The following JAZF1 variants were observed in gnomAD, a reference collection of about 807,000 sequenced individuals.
The protein encoded by JAZF1 is juxtaposed with another zinc finger protein 1.
A neutral mutation model predicts 26.4 loss-of-function variants in JAZF1; 8 were observed. The observed-to-expected ratio is 0.30, with a 90% CI of 0.18 to 0.55. The LOEUF (loss-of-function observed/expected upper bound fraction) is 0.55, where lower values mean the gene tolerates loss of function less well. Among genes scored for constraint, JAZF1 ranks in the 20% least tolerant of loss-of-function variants. The pLI, the probability that JAZF1 is intolerant of heterozygous loss-of-function variation, is 0.94. For missense variants in JAZF1, 199 were observed against 322.0 expected (o/e 0.62, Z 2.92); for synonymous variants, 126 against 122.3 (o/e 1.03, Z -0.20).
At chr7:27,837,735 G>A (rs1782844482) in intron 4 of JAZF1, among the ~76,000 whole-genome samples, 2 of 152,138 alleles carry the variant, frequency 1.3e-5, no homozygotes, top group African/African-American at 4.8e-5. Context: ...CAGGGGACCC[G>A]AATATGCAAC....
chr7:28,166,546 T>C (rs937647512), intron 1 of JAZF1, among the ~76,000 whole-genome samples: 3 of 152,340 alleles, frequency 2.0e-5, no homozygotes, highest in Non-Finnish European at 2.9e-5. Context: ...TATAAAATCA[T>C]CTCTTGTTTT....
In JAZF1 at chr7:28,090,867, C is replaced by A. The variant is rs1419637900; in HGVS notation, c.115+89596G>T. Among the ~76,000 whole-genome samples, 9 of 147,654 alleles carry A rather than the reference C, an allele frequency of 6.1e-5. No individual in the cohort carries two copies. The South Asian group carries it at 1.9e-3, about 32-fold the overall frequency. ...CGGAGTCTCGCTCTGTCACCCAGGC[C>A]GGACTGCGGACTGCAGTGGCGCGAT... On this transcript the variant is annotated intron_variant, in intron 1 of 4. Coordinates refer to ENST00000283928, the MANE Select transcript of JAZF1 (RefSeq NM_175061.4).
chr7:28,159,625 T>C (rs1171930664), intron 1 of JAZF1, among the ~76,000 whole-genome samples: 3 of 152,220 alleles, frequency 2.0e-5, no homozygotes, highest in Admixed American at 6.5e-5. Flanking sequence ...CTTGCCGCTG[T>C]GGAGGACGAG....
At chr7:28,036,564 G>C (rs902628405) in intron 1 of JAZF1, among the ~76,000 whole-genome samples, 1 of 152,186 alleles carries the variant, frequency 6.6e-6, no homozygotes. Flanking sequence ...AAAAAGGCTC[G>C]CACTGGAGGA....
chr7:28,123,260 T>C (rs1226553646), intron 1 of JAZF1, among the ~76,000 whole-genome samples: 1 of 152,074 alleles, frequency 6.6e-6, no homozygotes, highest in East Asian at 1.9e-4. Context: ...TCCCTACCAC[T>C]CACCCCTTCA....
intron 1 of JAZF1, among the ~76,000 whole-genome samples, chr7:28,047,079 G>A (rs1249861733): frequency 6.6e-6 from 1 of 152,080 alleles, no homozygotes; most frequent in Admixed American, 6.5e-5. Flanking sequence ...GATTTGAAAT[G>A]TAGTTATGTT....
chr7:27,970,139 G>A (rs1015639807), intron 2 of JAZF1, among the ~76,000 whole-genome samples: 10 of 152,014 alleles, frequency 6.6e-5, no homozygotes, highest in Non-Finnish European at 1.3e-4. Context: ...AAATAGAGAG[G>A]GTTATATACA....
intron 1 of JAZF1, among the ~76,000 whole-genome samples, chr7:28,035,129 C>T (rs1033344420): frequency 2.6e-5 from 4 of 151,428 alleles, no homozygotes; most frequent in African/African-American, 7.3e-5. Context: ...CCAGCCTGGC[C>T]GACATGGTGA....
intron 1 of JAZF1, among the ~76,000 whole-genome samples, chr7:28,131,473 T>C (rs1372715311): frequency 6.6e-6 from 1 of 152,178 alleles, no homozygotes; most frequent in Non-Finnish European, 1.5e-5. Flanking sequence ...AACCACGATA[T>C]GCACTAGATG....
At chr7:27,877,983 A>G (rs963373351) in intron 3 of JAZF1, among the ~76,000 whole-genome samples, 1 of 151,746 alleles carries the variant, frequency 6.6e-6, no homozygotes, top group Non-Finnish European at 1.5e-5. Context: ...TTAAAAAAGC[A>G]TTTTTCTTCC....
At chr7:27,889,616 CT>C (rs567725846) in intron 3 of JAZF1, among the ~76,000 whole-genome samples, 11 of 152,130 alleles carry the variant, frequency 7.2e-5, no homozygotes, top group Non-Finnish European at 1.5e-4. Flanking sequence ...CCATGGTTAA[CT>C]TCTCTTAAAT....
intron 1 of JAZF1, among the ~76,000 whole-genome samples, chr7:27,997,927 T>G (rs1430518249): frequency 1.3e-5 from 2 of 151,432 alleles, no homozygotes; most frequent in Non-Finnish European, 2.9e-5. Flanking sequence ...CTCTAGACAT[T>G]GGAGGAAAAG....
chr7:28,072,741 G>T (rs1004549977), intron 1 of JAZF1, among the ~76,000 whole-genome samples: 1 of 152,120 alleles, frequency 6.6e-6, no homozygotes, highest in African/African-American at 2.4e-5. Flanking sequence ...AGTTGGGATG[G>T]GGTTGGAGGA....
At chr7:28,083,441 C>T (rs145244285) in intron 1 of JAZF1, among the ~76,000 whole-genome samples, 1 of 152,222 alleles carries the variant, frequency 6.6e-6, no homozygotes, top group East Asian at 1.9e-4. Context: ...TGCAGAATAA[C>T]ACAGACCTTG....
At chr7:28,161,175 A>G (rs1050265998) in intron 1 of JAZF1, among the ~76,000 whole-genome samples, 2 of 151,252 alleles carry the variant, frequency 1.3e-5, no homozygotes, top group East Asian at 3.9e-4. Context: ...AGCACAATTC[A>G]GGCATTCAAC....
intron 1 of JAZF1, among the ~76,000 whole-genome samples, chr7:28,154,780 T>C (rs764986181): frequency 1.3e-5 from 2 of 152,028 alleles, no homozygotes; most frequent in Admixed American, 6.5e-5. Flanking sequence ...TGTAACATCA[T>C]TGATTATAAA....
At position 27,840,622 on chromosome 7, in the gene JAZF1, A is replaced by G; in HGVS notation, c.555+76T>C. 1 of 1,483,838 alleles carries G rather than the reference A, an allele frequency of 6.7e-7. No homozygotes were observed. Among genetic ancestry groups the G allele is most frequent in the Non-Finnish European group, 9.3e-7 (1 of 1,077,984 alleles). The allele number at this position is 1,483,838 out of a possible 1,614,324, so 91.9% of individuals were successfully genotyped here. ...CAGCCCATACGCTCGCTTTAAAATC[A>G]AGAAAGGGCTGCTGCCTTCCATGAA... is the stretch of plus-strand genomic sequence containing the variant. On this transcript the variant is annotated intron_variant, in intron 4 of 4. Coordinates refer to ENST00000283928, the MANE Select transcript of JAZF1 (RefSeq NM_175061.4). This position sits in a 1 kb window ranked among gnomAD's most constrained non-coding sequence, Gnocchi z 5.1.
chr7:28,052,522 G>C (rs1783632964), intron 1 of JAZF1, among the ~76,000 whole-genome samples: 1 of 152,140 alleles, frequency 6.6e-6, no homozygotes, highest in Non-Finnish European at 1.5e-5. Flanking sequence ...CCTACAAGTG[G>C]CTTCTCCAGC....
intron 1 of JAZF1, among the ~76,000 whole-genome samples, chr7:28,037,224 G>T (rs564309212): frequency 6.6e-4 from 101 of 152,224 alleles, no homozygotes; most frequent in Non-Finnish European, 9.6e-4. Context: ...CCTCAGCAAT[G>T]AGATACAGAA....
Sources: allele counts gnomAD v4.1 joint callset (sites outside exome capture counted in the v4.1 genomes callset), GRCh38; gene constraint gnomAD v4.1.1; non-coding constraint Gnocchi (gnomAD v3.1); transcripts MANE v1.5; gene names NCBI Gene and HGNC (gene_info 2026-07-23, HGNC 2026-07-21).